EPHA6: variants seen among roughly 807,000 people sequenced by gnomAD.
The protein encoded by EPHA6 is ephrin type-A receptor 6.
A neutral mutation model predicts 112.0 loss-of-function variants in EPHA6; 50 were observed. The observed-to-expected ratio is 0.45, with a 90% CI of 0.36 to 0.56. The LOEUF (loss-of-function observed/expected upper bound fraction) is 0.56, where lower values mean the gene tolerates loss of function less well. Among genes scored for constraint, EPHA6 ranks in the 20% least tolerant of loss-of-function variants. The probability of loss-of-function intolerance (pLI) is 0.00; values close to 1 mark genes in which losing one functional copy is unlikely to be tolerated. For synonymous variants in EPHA6, 529 were observed against 490.7 expected (o/e 1.08, Z -1.03); for missense variants, 1,280 against 1,417.4 (o/e 0.90, Z 1.56).
At chr3:97,555,524 G>C (rs1415672179) in intron 11 of EPHA6, among the ~76,000 whole-genome samples, 1 of 152,152 alleles carries the variant, frequency 6.6e-6, no homozygotes, top group Non-Finnish European at 1.5e-5. Context: ...CACAATGGTT[G>C]AACTAGTTTA....
At chr3:97,398,622 G>C (rs2109095350) in intron 5 of EPHA6, among the ~76,000 whole-genome samples, 1 of 151,162 alleles carries the variant, frequency 6.6e-6, no homozygotes, top group South Asian at 2.1e-4. Context: ...TAGTACATAT[G>C]GTTGCTACAT....
intron 9 of EPHA6, among the ~76,000 whole-genome samples, chr3:97,480,204 TTTTC>T (rs2091489510): frequency 6.6e-6 from 1 of 151,844 alleles, no homozygotes; most frequent in South Asian, 2.1e-4. Flanking sequence ...TAATTAGAAT[TTTTC>T]TTTTTTTTCT....
At chr3:97,369,503 C>T (rs762841997) in intron 5 of EPHA6, among the ~76,000 whole-genome samples, 1 of 152,148 alleles carries the variant, frequency 6.6e-6, no homozygotes, top group African/African-American at 2.4e-5. Flanking sequence ...AAATTTTCGA[C>T]TTTAGCAACT....
At chr3:97,669,610 A>AT (rs1491490044) in intron 14 of EPHA6, among the ~76,000 whole-genome samples, 2 of 151,804 alleles carry the variant, frequency 1.3e-5, no homozygotes, top group East Asian at 3.9e-4. Context: ...AAAAAAAAAA[A>AT]AGAAGAAGTA....
At chr3:97,330,972 C>A (rs1394822064) in intron 5 of EPHA6, among the ~76,000 whole-genome samples, 2 of 152,102 alleles carry the variant, frequency 1.3e-5, no homozygotes, top group South Asian at 2.1e-4. Context: ...CACACCTATT[C>A]CAAAATTGAC....
chr3:97,291,965 C>T lies in EPHA6; in HGVS notation c.1606+47678C>T, dbSNP rs556117475. On this transcript the variant is annotated intron_variant, in intron 5 of 17. Coordinates refer to ENST00000389672, the MANE Select transcript of EPHA6 (RefSeq NM_001080448.3). ...GCTACCAGCGTGGATCCCATACCTG[C>T]CAAGGGCAAGCCAGGCACGGAGCAG... 6.6e-5 allele frequency among the ~76,000 whole-genome samples: 10 copies of T among 152,308 alleles called. No individual in the cohort carries two copies. The South Asian group carries it at 1.9e-3, about 28-fold the overall frequency.
chr3:97,330,461 T>C (rs2082729426), intron 5 of EPHA6, among the ~76,000 whole-genome samples: 1 of 152,184 alleles, frequency 6.6e-6, no homozygotes, highest in Non-Finnish European at 1.5e-5. Context: ...CATGGAATGT[T>C]CTTCCATTTA....
intron 1 of EPHA6, among the ~76,000 whole-genome samples, chr3:96,834,951 C>G (rs1353832545): frequency 1.3e-5 from 2 of 152,022 alleles, no homozygotes; most frequent in African/African-American, 4.8e-5. Flanking sequence ...AATACCCAAC[C>G]TTAATCAAAT....
At chr3:97,413,701 C>T (rs1050949576) in intron 6 of EPHA6, among the ~76,000 whole-genome samples, 26 of 151,904 alleles carry the variant, frequency 1.7e-4, no homozygotes, top group Non-Finnish European at 2.6e-4. Context: ...CCCTTTGGCA[C>T]GGTGAGTTTG....
intron 16 of EPHA6, among the ~76,000 whole-genome samples, chr3:97,741,000 A>G (rs1175513269): frequency 6.6e-6 from 1 of 152,124 alleles, no homozygotes; most frequent in Non-Finnish European, 1.5e-5. Context: ...TTGTGGAAGG[A>G]AGACAGAATA....
intron 10 of EPHA6, among the ~76,000 whole-genome samples, chr3:97,530,609 C>A (rs2092685028): frequency 6.6e-6 from 1 of 150,422 alleles, no homozygotes; most frequent in Non-Finnish European, 1.5e-5. Flanking sequence ...AAAAAAAAAA[C>A]AGGATTATTC....
chr3:97,089,075 C>T (rs1001156374), intron 3 of EPHA6, among the ~76,000 whole-genome samples: 2 of 152,010 alleles, frequency 1.3e-5, no homozygotes, highest in African/African-American at 4.8e-5. Context: ...GAGGATAGGA[C>T]AGAGAAAGCC....
intron 3 of EPHA6, among the ~76,000 whole-genome samples, chr3:97,208,823 T>C (rs1215052812): frequency 6.6e-6 from 1 of 152,152 alleles, no homozygotes; most frequent in Non-Finnish European, 1.5e-5. Flanking sequence ...AACCAATGGT[T>C]CAATGATACA....
Position 97,706,789 on chromosome 3 carries a change from G to GT in EPHA6, c.2785-13459dup, listed in dbSNP as rs560962263. On this transcript the variant is annotated intron_variant, in intron 14 of 17. Transcript: ENST00000389672. ...GAACTGATCCCTCCTTTGTTTTGTT[G>GT]TTTTTTTTTTTTTGCTGCCAATTGA... 5.7e-3 allele frequency among the ~76,000 whole-genome samples: 781 copies of GT among 136,298 alleles called. 2 individuals carry two copies. The highest frequency in any genetic ancestry group is 0.016 in the Middle Eastern group (4 of 248). The allele number at this position is 136,298 out of a possible 152,430, so 89.4% of individuals were successfully genotyped here. A position where few individuals can be genotyped will look rare whatever the true frequency, so the allele number is the denominator to read the frequency against.
chr3:97,667,204 T>A (rs761596035), intron 14 of EPHA6, among the ~76,000 whole-genome samples: 1 of 152,230 alleles, frequency 6.6e-6, no homozygotes, highest in Non-Finnish European at 1.5e-5. Context: ...TATCTCAAGA[T>A]GATAATTAGC....
intron 3 of EPHA6, among the ~76,000 whole-genome samples, chr3:97,003,062 G>A (rs2043728054): frequency 1.3e-5 from 2 of 151,984 alleles, no homozygotes; most frequent in Admixed American, 1.3e-4. Context: ...ATATTGGGGA[G>A]GAGAAACAAT....
At position 97,492,504 on chromosome 3, in the gene EPHA6, T is replaced by C. The variant is rs527263394; in HGVS notation, c.2200+8445T>C. On this transcript the variant is annotated intron_variant, in intron 10 of 17. Coordinates refer to ENST00000389672, the MANE Select transcript of EPHA6 (RefSeq NM_001080448.3). ...TTGTAGTGAACCGAGATAGTGCCAC[T>C]GCACTCCATCCTGGGTGACAGAGCG... 5.7e-5 allele frequency among the ~76,000 whole-genome samples: 7 copies of C among 121,780 alleles called. No individual in the cohort carries two copies. The South Asian group carries it at 2.1e-3, about 36-fold the overall frequency. The allele number at this position is 121,780 out of a possible 152,430, so 79.9% of individuals were successfully genotyped here.
chr3:97,072,957 C>G (rs1319144794), intron 3 of EPHA6, among the ~76,000 whole-genome samples: 2 of 152,116 alleles, frequency 1.3e-5, no homozygotes, highest in Non-Finnish European at 2.9e-5. Flanking sequence ...GTTTTGCTCA[C>G]AGCATGTGGG....
intron 5 of EPHA6, among the ~76,000 whole-genome samples, chr3:97,369,387 A>G (rs72926378): frequency 0.22 from 33,167 of 152,062 alleles, 8,419 homozygotes; most frequent in African/African-American, 0.6. Context: ...GACATATAGA[A>G]AAGTGGGTGG....
Sources: gnomAD v4.1 joint callset for allele counts (sites outside exome capture counted in the v4.1 genomes callset) on GRCh38, gnomAD v4.1.1 for gene constraint, MANE v1.5 for transcripts, NCBI Gene and HGNC (gene_info 2026-07-23, HGNC 2026-07-21) for gene names.